Variants in NASP observed in about 807,000 individuals in gnomAD.
NASP encodes the protein nuclear autoantigenic sperm protein.
A neutral mutation model predicts 89.5 loss-of-function variants in NASP; 24 were observed. That is an observed-to-expected ratio of 0.27 (90% CI 0.19 to 0.38). The LOEUF (loss-of-function observed/expected upper bound fraction) is 0.38. NASP is among the 10% of genes least tolerant of loss of function. The pLI, the probability that NASP is intolerant of heterozygous loss-of-function variation, is 1.00. For missense variants in NASP, 848 were observed against 921.4 expected, an observed-to-expected ratio of 0.92 and a Z score of 1.03; for synonymous variants, 306 against 324.7, an observed-to-expected ratio of 0.94 and a Z score of 0.62.
At chr1:45,589,316 G>T (rs1170305299) in intron 1 of NASP, among the ~76,000 whole-genome samples, 2 of 152,026 alleles carry the variant, frequency 1.3e-5, no homozygotes, top group African/African-American at 2.4e-5. Flanking sequence ...GTAGAGATAG[G>T]TCTCGCTGTG....
intron 2 of NASP, among the ~76,000 whole-genome samples, chr1:45,599,614 G>GAGGGGGGTTTCACCATCTTGGCC (rs2148346256): frequency 6.6e-6 from 1 of 151,832 alleles, no homozygotes; most frequent in Non-Finnish European, 1.5e-5. Flanking sequence ...TTTCAGAAGA[G>GAGGGGGGTTTCACCATCTTGGCC]AGGGGGGTTT....
chr1:45,593,967 G>C (rs1643621306), intron 2 of NASP, among the ~76,000 whole-genome samples: 1 of 151,626 alleles, frequency 6.6e-6, no homozygotes, highest in Admixed American at 6.6e-5. Flanking sequence ...AAGTCGAGGT[G>C]GTGGTGAGCT....
At chr1:45,605,197 T>C (rs1205684580) in intron 4 of NASP, among the ~76,000 whole-genome samples, 181 bp downstream of exon 4, 2 of 152,240 alleles carry the variant, frequency 1.3e-5, no homozygotes, top group Non-Finnish European at 2.9e-5. Context: ...TTTTGACTTT[T>C]GGAGTCAGTA....
Position 45,617,436 on chromosome 1 carries a change from G to C in NASP, c.2158-27G>C, listed in dbSNP as rs180902031. On this transcript the variant is annotated intron_variant, in intron 13 of 14. Transcript: ENST00000350030. ...CTTTTTAAAAACATTAAGCACATTT[G>C]TGAAGCCTTCACAATTATATCTTTA... The C allele has an allele frequency of 2.4e-5, 38 of 1,603,330 alleles. No homozygotes were observed. The East Asian group carries it at 7.6e-4, about 32-fold the overall frequency.
intron 11 of NASP, 172 bp downstream of exon 11, chr1:45,615,643 A>C (rs1362923576): frequency 1.6e-6 from 1 of 627,686 alleles, no homozygotes; most frequent in Middle Eastern, 4.3e-4. Context: ...GCCCCAGACT[A>C]TCTGGGTTTT....
At chr1:45,613,117 T>G in intron 6 of NASP, 52 bp from the exon 7 acceptor site, 12 of 1,564,284 alleles carry the variant, frequency 7.7e-6, no homozygotes, top group Non-Finnish European at 1.0e-5. Context: ...CTCTGACTAG[T>G]CAGAATACGT....
At position 45,589,737 on chromosome 1, in the gene NASP, T is replaced by TA. The variant is rs531754336; in HGVS notation, c.60-1480dup. 7.2e-5 allele frequency among the ~76,000 whole-genome samples: 11 copies of TA among 151,902 alleles called. No individual in the cohort carries two copies. In the South Asian group the frequency reaches 1.3e-3, roughly 17 times the overall value. On this transcript the variant is annotated intron_variant, in intron 1 of 14. Coordinates refer to ENST00000350030, the MANE Select transcript of NASP (RefSeq NM_002482.4). ...TAACATGGTGAAACCCCATCTCTGG[T>TA]AAAAAACAGAAAAATTAGCCAGGCG...
chr1:45,617,950 A>G, intron 14 of NASP, 111 bp from the exon 15 acceptor site: 2 of 922,704 alleles, frequency 2.2e-6, no homozygotes, highest in Non-Finnish European at 1.7e-6. Flanking sequence ...ATAGGGAGCA[A>G]AGCAGAGTTT....
chr1:45,590,195 C>T (rs936621208), intron 1 of NASP, among the ~76,000 whole-genome samples: 9 of 152,244 alleles, frequency 5.9e-5, no homozygotes, highest in African/African-American at 1.7e-4. Flanking sequence ...TATACAAGTA[C>T]TGCCTTAGTT....
chr1:45,609,514 AAC>A, intron 6 of NASP: 1 of 151,556 alleles, frequency 6.6e-6, no homozygotes. Context: ...AAACAAACAA[AAC>A]CACACACACA....
intron 6 of NASP, among the ~76,000 whole-genome samples, chr1:45,608,835 GC>G (rs1643953721): frequency 6.6e-6 from 1 of 152,200 alleles, no homozygotes; most frequent in African/African-American, 2.4e-5. Context: ...AAGCAGGCAT[GC>G]CATTTAAATG....
intron 1 of NASP, among the ~76,000 whole-genome samples, chr1:45,585,418 T>C (rs1053949670): frequency 2.6e-5 from 4 of 152,202 alleles, no homozygotes; most frequent in Admixed American, 2.6e-4. Context: ...TATCTCTGCT[T>C]ACCACCTTTT....
intron 1 of NASP, among the ~76,000 whole-genome samples, chr1:45,587,797 A>G (rs1644578769): frequency 6.7e-6 from 1 of 149,564 alleles, no homozygotes; most frequent in African/African-American, 2.5e-5. Flanking sequence ...ATTCTTGTGC[A>G]TCAGCCTCCC....
chr1:45,617,988 T>TG, intron 14 of NASP, 73 bp from the exon 15 acceptor site: 1 of 1,356,496 alleles, frequency 7.4e-7, no homozygotes, highest in Non-Finnish European at 1.0e-6. Context: ...TTCCTATGAC[T>TG]GAGGCCTCAG....
Position 45,616,321 on chromosome 1 carries a change from T to C in NASP, c.2023-16T>C. On this transcript the variant is annotated splice_polypyrimidine_tract_variant and intron_variant, in intron 11 of 14. Coordinates refer to ENST00000350030, the MANE Select transcript of NASP (RefSeq NM_002482.4). ...GTTCTATCTTCAAACTAATTTGGAT[T>C]TGTCATTTCTCGCAGGTGGAGAGTT... 6.2e-7 allele frequency: 1 copy of C among 1,613,664 alleles called. No individual in the cohort carries two copies. Among genetic ancestry groups the C allele is most frequent in the Non-Finnish European group, 8.5e-7 (1 of 1,179,548 alleles).
chr1:45,618,344 T>TA lies in NASP; in HGVS notation c.*203_*204insA. The TA allele has an allele frequency of 2.1e-6, 1 of 473,142 alleles. No individual in the cohort carries two copies. Among genetic ancestry groups the TA allele is most frequent in the South Asian group, 2.3e-5 (1 of 43,990 alleles). 29.3% of individuals were successfully genotyped at this position (473,142 alleles called of 1,614,324 possible). ...TTAGCCAAAGGTTTTGTTCTGGCCT[T>TA]CTGTACTGATCTGTGTTCCTGATCC... On this transcript the variant is annotated 3_prime_UTR_variant, in exon 15 of 15. Transcript: ENST00000350030.
In NASP at chr1:45,584,273, C is replaced by T. The variant is rs1644493952; in HGVS notation, c.59+68C>T. ...GGGGAGGGCTAATGGACGGGGGCTC[C>T]GGAGAAGGGGCAGACCGGTGGGCGG... On this transcript the variant is annotated intron_variant, in intron 1 of 14. Coordinates refer to ENST00000350030, the MANE Select transcript of NASP (RefSeq NM_002482.4). The T allele has an allele frequency of 4.2e-6, 6 of 1,445,172 alleles. No homozygotes were observed. The East Asian group carries it at 1.2e-4, about 30-fold the overall frequency. 89.5% of individuals were successfully genotyped at this position (1,445,172 alleles called of 1,614,324 possible). A position where few individuals can be genotyped will look rare whatever the true frequency, so the allele number is the denominator to read the frequency against.
chr1:45,613,205 A>G lies in NASP; in HGVS notation c.1463A>G (p.Asp488Gly), dbSNP rs778268222. The change falls in exon 7 of 15, where the codon GAT (aspartate) becomes GGT (glycine). Residue 488 changes from aspartate (D) to glycine (G), a missense_variant. This residue lies in a region of NASP where 464 missense variants were observed against 469.4 expected (regional missense o/e 0.99). Coordinates refer to ENST00000350030, the MANE Select transcript of NASP (RefSeq NM_002482.4). ...EGSEEDDKEN[D>G]KTEEMPNDSV... ...TCAGAAGAGGATGATAAAGAAAATG[A>G]TAAGACCGAAGAAATGCCAAATGAT... is the stretch of plus-strand genomic sequence containing the variant. 1 of 1,611,772 alleles carries G rather than the reference A, an allele frequency of 6.2e-7. No individual in the cohort carries two copies. The highest frequency in any genetic ancestry group is 8.5e-7 in the Non-Finnish European group (1 of 1,178,816).
At chr1:45,613,118 C>G in intron 6 of NASP, 51 bp from the exon 7 acceptor site, 1 of 1,564,390 alleles carries the variant, frequency 6.4e-7, no homozygotes, top group East Asian at 2.3e-5. Flanking sequence ...TCTGACTAGT[C>G]AGAATACGTT....
Sources: gnomAD v4.1 joint callset for allele counts (sites outside exome capture counted in the v4.1 genomes callset) on GRCh38, gnomAD v4.1.1 for gene constraint, gnomAD v4.1.1 regional missense constraint, MANE v1.5 for transcripts, NCBI Gene and HGNC (gene_info 2026-07-23, HGNC 2026-07-21) for gene names.